SLBP: variants seen among roughly 807,000 people sequenced by gnomAD.
The protein encoded by SLBP is histone RNA hairpin-binding protein.
A neutral mutation model predicts 39.2 loss-of-function variants in SLBP; 29 were observed. That is an observed-to-expected ratio of 0.74 (90% CI 0.55 to 1.01). The LOEUF (loss-of-function observed/expected upper bound fraction) is 1.01. SLBP is among the 50% of genes least tolerant of loss of function. The pLI is 0.00. For synonymous variants in SLBP, 129 were observed against 118.7 expected (o/e 1.09, Z -0.57); for missense variants, 390 against 350.2 (o/e 1.11, Z -0.91).
chr4:1,693,780 C>A (rs1326710807), intron 7 of SLBP, 67 bp from the exon 8 acceptor site: 2 of 891,042 alleles, frequency 2.2e-6, no homozygotes, highest in East Asian at 2.4e-5. Context: ...CCTTCCTACA[C>A]CCCACTCCTT....
chr4:1,700,132 G>T, intron 3 of SLBP, 62 bp from the exon 4 acceptor site: 1 of 1,216,654 alleles, frequency 8.2e-7, no homozygotes, highest in Non-Finnish European at 1.2e-6. Context: ...AGCCAGGTCT[G>T]AGGAAGCTCC....
At chr4:1,710,885 A>G (rs1398139184) in intron 2 of SLBP, among the ~76,000 whole-genome samples, 4 of 151,934 alleles carry the variant, frequency 2.6e-5, no homozygotes, top group East Asian at 1.9e-4. Flanking sequence ...CCCTGTCTCT[A>G]CTACAAATAC....
At chr4:1,700,224 A>ATGATAC in intron 3 of SLBP, 154 bp from the exon 4 acceptor site, 1 of 489,896 alleles carries the variant, frequency 2.0e-6, no homozygotes, top group Non-Finnish European at 3.6e-6. Context: ...GTTCAGTTTA[A>ATGATAC]GTAGTGAGAT....
intron 3 of SLBP, among the ~76,000 whole-genome samples, chr4:1,703,161 C>T (rs566065198): frequency 1.3e-5 from 2 of 151,132 alleles, no homozygotes; most frequent in Admixed American, 6.6e-5. Flanking sequence ...CGCTTGAACC[C>T]GGGAGGCAGA....
chr4:1,711,967 C>T lies in SLBP; in HGVS notation c.83G>A (p.Ser28Asn). The change falls in exon 2 of 8, where the codon AGC becomes AAC. Residue 28 changes from serine (S) to asparagine (N), a missense_variant. By Grantham distance (46) the Ser-to-Asn change is conservative. Coordinates refer to ENST00000489418, the MANE Select transcript of SLBP (RefSeq NM_006527.4). ...GTCGGCTCTGCGCTTCCGTCCCAGGCTCCATCGCGCGGGGGACGGCGGGCT... is the reference window on the plus strand; with the variant it reads ...GTCGGCTCTGCGCTTCCGTCCCAGGTTCCATCGCGCGGGGGACGGCGGGCT... Reference protein sequence around the residue: ...DASPPSPARWSLGRKRRADGR... With the variant: ...DASPPSPARWNLGRKRRADGR... 7.6e-7 allele frequency: 1 copy of T among 1,310,600 alleles called. No homozygotes were observed. The highest frequency in any genetic ancestry group is 9.7e-7 in the Non-Finnish European group (1 of 1,030,978). The allele number at this position is 1,310,600 out of a possible 1,614,324, so 81.2% of individuals were successfully genotyped here.
intron 6 of SLBP, 131 bp downstream of exon 6, chr4:1,696,071 G>A (rs1716093213): frequency 4.6e-6 from 3 of 647,466 alleles, no homozygotes; most frequent in Admixed American, 7.3e-5. Context: ...GCACCGAGCT[G>A]CAGCAGCTGC....
rs985131641 is a variant in SLBP, at chr4:1,712,216, G to C, written c.-28C>G. On this transcript the variant is annotated 5_prime_UTR_variant, in exon 1 of 8. Transcript: ENST00000489418. ...CAGCACGGGCCGGGCGCGCAGCGCA[G>C]GGCCGAGGCTGAGGCGGCGGCGGCG... is the stretch of plus-strand genomic sequence containing the variant. 7 of 1,250,152 alleles carry C rather than the reference G, an allele frequency of 5.6e-6. No individual in the cohort carries two copies. The highest frequency in any genetic ancestry group is 3.2e-5 in the African/African-American group (2 of 63,262). 77.4% of individuals were successfully genotyped at this position (1,250,152 alleles called of 1,614,324 possible). A position where few individuals can be genotyped will look rare whatever the true frequency, so the allele number is the denominator to read the frequency against.
In SLBP at chr4:1,711,907, G is replaced by A. The variant is rs1365537477; in HGVS notation, c.143C>T (p.Ala48Val). ...RRWRPEDAEE[A>V]EHRGAERRPE... ...TCTGCGCTCGGCGCCGCGGTGCTCT[G>A]CCTCCTCGGCGTCTTCGGGCCTCCA... Residue 48 changes from alanine to valine, a missense_variant, in exon 2 of 8, where the codon GCA becomes GTA. Coordinates refer to ENST00000489418, the MANE Select transcript of SLBP (RefSeq NM_006527.4). The A allele has an allele frequency of 7.3e-7, 1 of 1,366,434 alleles. No homozygotes were observed. The highest frequency in any genetic ancestry group is 1.6e-5 in the South Asian group (1 of 61,388). 84.6% of individuals were successfully genotyped at this position (1,366,434 alleles called of 1,614,324 possible).
intron 2 of SLBP, among the ~76,000 whole-genome samples, chr4:1,710,251 A>G (rs1425775554): frequency 6.6e-6 from 1 of 152,206 alleles, no homozygotes; most frequent in Non-Finnish European, 1.5e-5. Flanking sequence ...CCTCCCATGT[A>G]GACTCCTACA....
chr4:1,697,187 A>AG (rs1716142193), intron 5 of SLBP, among the ~76,000 whole-genome samples: 1 of 132,038 alleles, frequency 7.6e-6, no homozygotes, highest in Non-Finnish European at 1.6e-5. Context: ...AAAAAAAAAA[A>AG]GCCGGGCACA....
intron 2 of SLBP, among the ~76,000 whole-genome samples, chr4:1,711,191 A>C (rs2108667460): frequency 6.7e-6 from 1 of 148,696 alleles, no homozygotes; most frequent in African/African-American, 2.5e-5. Context: ...TCCCCAACCC[A>C]TCAGCAAGTC....
intron 7 of SLBP, among the ~76,000 whole-genome samples, chr4:1,694,429 T>C (rs1409321488): frequency 6.7e-6 from 1 of 148,742 alleles, no homozygotes; most frequent in Non-Finnish European, 1.5e-5. Flanking sequence ...TCTTGCTCTG[T>C]TGCCCAGGCT....
At chr4:1,700,812 G>A (rs1372643467) in intron 3 of SLBP, among the ~76,000 whole-genome samples, 3 of 151,946 alleles carry the variant, frequency 2.0e-5, no homozygotes, top group East Asian at 1.9e-4. Context: ...CAATCCTCCC[G>A]CCTCAGCCTC....
chr4:1,711,325 A>G, intron 2 of SLBP, among the ~76,000 whole-genome samples: 1 of 151,522 alleles, frequency 6.6e-6, no homozygotes, highest in Non-Finnish European at 1.5e-5. Flanking sequence ...CCAGTGCGGG[A>G]CGAGCCACCC....
At position 1,700,009 on chromosome 4, in the gene SLBP, A is replaced by AC; in HGVS notation, c.341+1dup. 6.3e-7 allele frequency: 1 copy of AC among 1,589,446 alleles called. No individual in the cohort carries two copies. The highest frequency in any genetic ancestry group is 8.6e-7 in the Non-Finnish European group (1 of 1,164,194). ...GAAAAGAAACATTTACACAGCCTTT[A>AC]CCTTCCTGATGATGATTTTCTCTCT... is the stretch of plus-strand genomic sequence containing the variant. On this transcript the variant is annotated splice_donor_variant, in intron 4 of 7. Coordinates refer to ENST00000489418, the MANE Select transcript of SLBP (RefSeq NM_006527.4). LOFTEE classifies it high-confidence loss of function.
chr4:1,698,359 T>C (rs1027279014), intron 5 of SLBP, among the ~76,000 whole-genome samples: 18 of 143,802 alleles, frequency 1.3e-4, no homozygotes, highest in African/African-American at 7.8e-5. Flanking sequence ...CAGTGAGACA[T>C]GATATAACAC....
At chr4:1,695,616 A>G in intron 6 of SLBP, among the ~76,000 whole-genome samples, 1 of 152,136 alleles carries the variant, frequency 6.6e-6, no homozygotes, top group Non-Finnish European at 1.5e-5. Context: ...CCCCGTCTCC[A>G]CTAAAAATAC....
chr4:1,703,169 A>C (rs1405957565), intron 3 of SLBP, among the ~76,000 whole-genome samples: 3 of 151,096 alleles, frequency 2.0e-5, no homozygotes, highest in Admixed American at 2.0e-4. Flanking sequence ...CCCGGGAGGC[A>C]GAGGTTGCAG....
intron 7 of SLBP, among the ~76,000 whole-genome samples, chr4:1,694,217 G>A (rs1226845032): frequency 6.6e-6 from 1 of 152,088 alleles, no homozygotes; most frequent in Non-Finnish European, 1.5e-5. Flanking sequence ...TGAGTAGCTG[G>A]GATTACATGC....
Sources: allele counts gnomAD v4.1 joint callset (sites outside exome capture counted in the v4.1 genomes callset), GRCh38; gene constraint gnomAD v4.1.1; transcripts MANE v1.5; gene names NCBI Gene and HGNC (gene_info 2026-07-23, HGNC 2026-07-21).